The following ZMIZ1 variants were observed in gnomAD, a reference collection of about 807,000 sequenced individuals.
ZMIZ1 encodes the protein zinc finger MIZ-type containing 1, also known as zinc finger MIZ domain-containing protein 1.
Under a neutral mutation model 113.9 loss-of-function variants are expected in ZMIZ1, and 17 were observed. The ratio of observed to expected loss-of-function variants is 0.15; its 90% confidence interval spans 0.10 to 0.22. The LOEUF is 0.22. ZMIZ1 is among the 10% of genes least tolerant of loss of function. ZMIZ1 has a pLI of 1.00. For synonymous variants in ZMIZ1, 607 were observed against 603.1 expected, an observed-to-expected ratio of 1.01 and a Z score of -0.09; for missense variants, 1,059 against 1,477.8, an observed-to-expected ratio of 0.72 and a Z score of 4.65.
intron 1 of ZMIZ1, among the ~76,000 whole-genome samples, chr10:79,091,049 C>T (rs1477337902): frequency 6.6e-6 from 1 of 152,182 alleles, no homozygotes; most frequent in Non-Finnish European, 1.5e-5. Context: ...CTGTCTTGAG[C>T]CCAGATGAAT....
intron 2 of ZMIZ1, among the ~76,000 whole-genome samples, chr10:79,124,982 A>G (rs1844450971): frequency 6.6e-6 from 1 of 152,192 alleles, no homozygotes; most frequent in South Asian, 2.1e-4. Flanking sequence ...AAGCTAGGGC[A>G]AGGGTGAGGT....
intron 18 of ZMIZ1, among the ~76,000 whole-genome samples, chr10:79,303,388 G>A (rs984824868): frequency 2.7e-5 from 4 of 149,516 alleles, no homozygotes; most frequent in South Asian, 2.1e-4. Flanking sequence ...TGGGGAGGTC[G>A]AGGCTGCAGT....
chr10:79,307,657 A>AAGGCAG, intron 23 of ZMIZ1, 86 bp downstream of exon 23: 1 of 1,450,654 alleles, frequency 6.9e-7, no homozygotes, highest in Non-Finnish European at 9.4e-7. Context: ...CCTCCCAGGC[A>AAGGCAG]AGGCAGAGGA....
chr10:79,165,852 G>T (rs1846304214), intron 4 of ZMIZ1, among the ~76,000 whole-genome samples: 1 of 149,424 alleles, frequency 6.7e-6, no homozygotes, highest in Non-Finnish European at 1.5e-5. Flanking sequence ...AGGCGGGCCT[G>T]GTCTGCTAGG....
chr10:79,157,408 G>A (rs187561226), intron 3 of ZMIZ1, among the ~76,000 whole-genome samples: 177 of 148,904 alleles, frequency 1.2e-3, no homozygotes, highest in Admixed American at 2.1e-3. Context: ...TGTGTGGTCA[G>A]TTGGCAGCAA....
intron 22 of ZMIZ1, among the ~76,000 whole-genome samples, chr10:79,306,863 C>T (rs1854736168): frequency 1.3e-5 from 2 of 152,216 alleles, no homozygotes; most frequent in African/African-American, 4.8e-5. Flanking sequence ...GTTAGGCCAC[C>T]TAGCCGAACT....
chr10:79,106,377 C>G (rs1470434738), intron 1 of ZMIZ1, among the ~76,000 whole-genome samples: 1 of 152,220 alleles, frequency 6.6e-6, no homozygotes, highest in African/African-American at 2.4e-5. Flanking sequence ...AATAGCAATT[C>G]TGAGGCTACA....
intron 1 of ZMIZ1, among the ~76,000 whole-genome samples, chr10:79,086,717 A>T (rs971764919): frequency 3.3e-5 from 5 of 151,860 alleles, no homozygotes; most frequent in African/African-American, 1.2e-4. Context: ...TTGCTTTGTT[A>T]CCTAGGCTGG....
At chr10:79,166,834 C>T (rs1297451470) in intron 4 of ZMIZ1, among the ~76,000 whole-genome samples, 2 of 152,232 alleles carry the variant, frequency 1.3e-5, no homozygotes, top group East Asian at 1.9e-4. Context: ...TGGACGCCCT[C>T]GGGAAGCTCC....
At chr10:79,256,985 T>A (rs922345245) in intron 7 of ZMIZ1, among the ~76,000 whole-genome samples, 3 of 152,272 alleles carry the variant, frequency 2.0e-5, no homozygotes, top group Admixed American at 2.0e-4. Flanking sequence ...CAGGCTTCTA[T>A]GTGAGTGCTT....
chr10:79,174,033 A>G (rs1339342457), intron 4 of ZMIZ1, among the ~76,000 whole-genome samples: 1 of 152,200 alleles, frequency 6.6e-6, no homozygotes. Context: ...TGACCTCCCA[A>G]GGGCTCTTGC....
intron 1 of ZMIZ1, among the ~76,000 whole-genome samples, chr10:79,072,459 G>A (rs1842323844): frequency 6.6e-6 from 1 of 152,202 alleles, no homozygotes; most frequent in Non-Finnish European, 1.5e-5. Flanking sequence ...ATGGCGGGAG[G>A]GGTGAAGGGA....
intron 4 of ZMIZ1, among the ~76,000 whole-genome samples, chr10:79,182,802 C>T (rs1215454062): frequency 1.3e-5 from 2 of 152,228 alleles, no homozygotes; most frequent in Non-Finnish European, 1.5e-5. Context: ...GTCTCCATGG[C>T]GATTAAATGA....
chr10:79,307,509 C>G lies in ZMIZ1; in HGVS notation c.2773C>G (p.Pro925Ala), dbSNP rs971768657. Residue 925 changes from proline (P) to alanine (A), a missense_variant, in exon 23 of 25, where the codon CCG (proline) becomes GCG (alanine). Physicochemically the swap from Pro to Ala is conservative, Grantham distance 27 (BLOSUM62 -1). Around this residue, in one of 6 missense-constraint regions of ZMIZ1, gnomAD observed 225 missense variants for 276.0 expected, o/e 0.82. Coordinates refer to ENST00000334512, the MANE Select transcript of ZMIZ1 (RefSeq NM_020338.4). ...CGGGCCCCCCCAGCTCTCCCACCCCCCGGACATGCCCAACAACATGGCCGC... is the reference window on the plus strand; with the variant it reads ...CGGGCCCCCCCAGCTCTCCCACCCCGCGGACATGCCCAACAACATGGCCGC... Reference protein sequence around the residue: ...MHGPPQLSHPPDMPNNMAALE... With the variant: ...MHGPPQLSHPADMPNNMAALE... The G allele has an allele frequency of 5.0e-6, 8 of 1,612,554 alleles. No individual in the cohort carries two copies. Among genetic ancestry groups the G allele is most frequent in the Non-Finnish European group, 6.8e-6 (8 of 1,179,292 alleles).
At chr10:79,131,398 G>T (rs1844762504) in intron 2 of ZMIZ1, among the ~76,000 whole-genome samples, 2 of 152,150 alleles carry the variant, frequency 1.3e-5, no homozygotes, top group African/African-American at 2.4e-5. Flanking sequence ...TTTTCAGGGG[G>T]TTTATCTCCC....
rs184383679 is a variant in ZMIZ1 at position 79,186,703 on chromosome 10, G to A, written c.-49-14881G>A. ...AGCACTTTGGAATTTTCAAAAGAAT[G>A]AGCGTGAGCAGGGAATCACTTAAGG... On this transcript the variant is annotated intron_variant, in intron 4 of 24. Transcript: ENST00000334512. 7.9e-5 allele frequency among the ~76,000 whole-genome samples: 12 copies of A among 152,350 alleles called. No homozygotes were observed. The East Asian group carries it at 1.9e-3, about 24-fold the overall frequency.
intron 8 of ZMIZ1, among the ~76,000 whole-genome samples, chr10:79,279,332 C>A (rs1252168376): frequency 6.9e-6 from 1 of 145,546 alleles, no homozygotes; most frequent in South Asian, 2.2e-4. Context: ...GACGGGGTCG[C>A]GGCCGGGCAG....
intron 1 of ZMIZ1, among the ~76,000 whole-genome samples, chr10:79,112,546 A>G (rs1029939965): frequency 2.6e-5 from 4 of 152,288 alleles, no homozygotes; most frequent in Admixed American, 2.6e-4. Context: ...TAATATCAGC[A>G]TGGCTGAAGG....
rs200203619 is a variant in ZMIZ1 at position 79,293,398 on chromosome 10, G to A, written c.975G>A (p.Ala325=). 4.9e-5 allele frequency: 75 copies of A among 1,516,166 alleles called. No individual in the cohort carries two copies. The highest frequency in any genetic ancestry group is 3.4e-4 in the African/African-American group (24 of 71,626). 93.9% of individuals were successfully genotyped at this position (1,516,166 alleles called of 1,614,324 possible). The part of the protein sequence containing the change: ...NQYGPMGPTQ[A]YNSQFMNQPG... The stretch of plus-strand genomic sequence containing the variant: ...CTTTCCAGATGGGTCCCACCCAGGC[G>A]TATAACAGCCAATTCATGAACCAGC... Residue 325 remains alanine (A), a synonymous_variant, in exon 12 of 25, where the codon GCG becomes GCA. Coordinates refer to ENST00000334512, the MANE Select transcript of ZMIZ1 (RefSeq NM_020338.4).
Sources: gnomAD v4.1 joint callset for allele counts (sites outside exome capture counted in the v4.1 genomes callset) on GRCh38, gnomAD v4.1.1 for gene constraint, gnomAD v4.1.1 regional missense constraint, MANE v1.5 for transcripts, NCBI Gene and HGNC (gene_info 2026-07-23, HGNC 2026-07-21) for gene names.